Variants in DGKI observed in about 807,000 individuals in gnomAD.
The protein encoded by DGKI is diacylglycerol kinase iota, also known as DAG kinase iota.
In DGKI, 55 loss-of-function variants were observed where a neutral mutation model predicts 147.5. That is an observed-to-expected ratio of 0.37 (90% CI 0.30 to 0.47). DGKI has a LOEUF of 0.47. Ranked by LOEUF, DGKI falls within the 20% of genes least tolerant of loss-of-function variation. DGKI has a pLI of 1.00. For missense variants in DGKI, 1,007 were observed against 1,323.8 expected (o/e 0.76, Z 3.71); for synonymous variants, 469 against 477.1 (o/e 0.98, Z 0.22).
At chr7:137,766,137 G>A (rs1354278607) in intron 1 of DGKI, among the ~76,000 whole-genome samples, 3 of 152,202 alleles carry the variant, frequency 2.0e-5, no homozygotes, top group Non-Finnish European at 4.4e-5. Context: ...ACGATCCTAA[G>A]AGGAAAGGAA....
At chr7:137,480,261 T>C (rs981105723) in intron 23 of DGKI, among the ~76,000 whole-genome samples, 8 of 152,142 alleles carry the variant, frequency 5.3e-5, no homozygotes, top group African/African-American at 1.7e-4. Context: ...CCAAAGTTTC[T>C]AGCTGGTACT....
At chr7:137,841,637 A>G (rs372795825) in intron 1 of DGKI, among the ~76,000 whole-genome samples, 151 of 152,346 alleles carry the variant, frequency 9.9e-4, no homozygotes, top group African/African-American at 3.6e-3. Flanking sequence ...GTTCTTCCAG[A>G]TGCTTCTGGT....
intron 23 of DGKI, among the ~76,000 whole-genome samples, chr7:137,480,377 G>A (rs1173312865): frequency 1.3e-5 from 2 of 152,094 alleles, no homozygotes; most frequent in Admixed American, 6.6e-5. Context: ...AAATGGAGGA[G>A]GAAGAGATTT....
intron 23 of DGKI, among the ~76,000 whole-genome samples, chr7:137,476,268 C>T (rs1208300334): frequency 6.6e-6 from 1 of 152,156 alleles, no homozygotes. Context: ...AACACTAATC[C>T]GGACAAGCTG....
Position 137,457,133 on chromosome 7 carries a change from G to A in DGKI, c.2735+6356C>T, listed in dbSNP as rs559217944. ...ATTTTTCCAGCTGGAATGAGTATCC[G>A]GGGTGAGCAAGATTGAGCCCAGTCA... On this transcript the variant is annotated intron_variant, in intron 27 of 32. Coordinates refer to ENST00000614521, the MANE Select transcript of DGKI (RefSeq NM_001321708.2). Among the ~76,000 whole-genome samples, 38 of 152,242 alleles carry A rather than the reference G, an allele frequency of 2.5e-4. No individual in the cohort carries two copies. In the South Asian group the frequency reaches 7.5e-3, roughly 30 times the overall value.
chr7:137,539,568 C>T (rs1039492186), intron 20 of DGKI, among the ~76,000 whole-genome samples: 7 of 151,994 alleles, frequency 4.6e-5, no homozygotes, highest in Admixed American at 1.3e-4. Flanking sequence ...AATAGCAATG[C>T]AAAGACTTTG....
chr7:137,490,003 T>C (rs1264927859), intron 21 of DGKI, among the ~76,000 whole-genome samples: 1 of 152,168 alleles, frequency 6.6e-6, no homozygotes. Context: ...GTGTCATTCA[T>C]CTCTAATATG....
intron 27 of DGKI, among the ~76,000 whole-genome samples, chr7:137,451,502 AG>A (rs1405439537): frequency 1.3e-5 from 2 of 152,180 alleles, no homozygotes. Context: ...ATCGATTACA[AG>A]GCTTAAGGGC....
intron 6 of DGKI, among the ~76,000 whole-genome samples, chr7:137,631,539 T>A (rs1821121478): frequency 6.6e-6 from 1 of 152,058 alleles, no homozygotes; most frequent in African/African-American, 2.4e-5. Context: ...CAGGACCTAA[T>A]CACTATGTAC....
At position 137,759,011 on chromosome 7, in the gene DGKI, T is replaced by C. The variant is rs539823408; in HGVS notation, c.402-69009A>G. Among the ~76,000 whole-genome samples, 10 of 152,328 alleles carry C rather than the reference T, an allele frequency of 6.6e-5. No individual in the cohort carries two copies. The South Asian group carries it at 2.1e-3, about 32-fold the overall frequency. Reference sequence around the variant, plus strand: ...GGGATACATGCGCATGCTTGTTACATGGGTACATGGCATACTGGTGGGGAT... The same window carrying C: ...GGGATACATGCGCATGCTTGTTACACGGGTACATGGCATACTGGTGGGGAT... On this transcript the variant is annotated intron_variant, in intron 1 of 32. Transcript: ENST00000614521.
intron 18 of DGKI, among the ~76,000 whole-genome samples, chr7:137,571,898 C>T (rs1818806065): frequency 6.6e-6 from 1 of 152,066 alleles, no homozygotes; most frequent in Non-Finnish European, 1.5e-5. Context: ...AGAGGAAGGA[C>T]AAGAGAAAGA....
At position 137,521,847 on chromosome 7, in the gene DGKI, T is replaced by C. The variant is rs1816971121; in HGVS notation, c.2248+19A>G. ...AGATAGGCTGATCGCATGAAATCAA[T>C]GAGGCACTTCCAACTTACAAGCTTC... On this transcript the variant is annotated intron_variant, in intron 21 of 32. Transcript: ENST00000614521. The C allele has an allele frequency of 3.2e-6, 5 of 1,560,942 alleles. No individual in the cohort carries two copies. The African/African-American group carries it at 5.4e-5, about 17-fold the overall frequency.
At chr7:137,799,187 G>A (rs545630658) in intron 1 of DGKI, among the ~76,000 whole-genome samples, 19 of 152,240 alleles carry the variant, frequency 1.2e-4, no homozygotes, top group African/African-American at 4.1e-4. Flanking sequence ...TACAAGGAAG[G>A]AAGGCCTGAT....
intron 5 of DGKI, 102 bp downstream of exon 5, chr7:137,654,630 A>C: frequency 1.1e-6 from 1 of 880,972 alleles, no homozygotes; most frequent in Non-Finnish European, 1.8e-6. Flanking sequence ...TGCAACAGAA[A>C]GAGATAGAAT....
rs183639900 is a variant in DGKI at position 137,761,470 on chromosome 7, C to T, written c.402-71468G>A. On this transcript the variant is annotated intron_variant, in intron 1 of 32. Transcript: ENST00000614521. The stretch of plus-strand genomic sequence containing the variant: ...AATAAGACAACATTTGTAAAACAAC[C>T]ACAGCAGTGCTCACTCAAAGAAAGT... Among the ~76,000 whole-genome samples, 8 of 152,282 alleles carry T rather than the reference C, an allele frequency of 5.3e-5. No homozygotes were observed. The East Asian group carries it at 1.4e-3, about 26-fold the overall frequency.
At chr7:137,768,733 C>T (rs1173874317) in intron 1 of DGKI, among the ~76,000 whole-genome samples, 2 of 152,146 alleles carry the variant, frequency 1.3e-5, no homozygotes, top group Admixed American at 1.3e-4. Flanking sequence ...TGCCTTCCTC[C>T]TCCAGAGCCA....
chr7:137,417,724 G>A (rs544909424), intron 28 of DGKI, among the ~76,000 whole-genome samples: 2 of 152,286 alleles, frequency 1.3e-5, no homozygotes, highest in East Asian at 1.9e-4. Flanking sequence ...ATTAAGTCAC[G>A]AAGGCTCCAC....
At position 137,431,997 on chromosome 7, in the gene DGKI, C is replaced by T. The variant is rs142685941; in HGVS notation, c.2761+12080G>A. Among the ~76,000 whole-genome samples the T allele has an allele frequency of 1.8e-4, 28 of 152,250 alleles. No individual in the cohort carries two copies. The East Asian group carries it at 4.8e-3, about 26-fold the overall frequency. The stretch of plus-strand genomic sequence containing the variant: ...GGATCATGGGTGTGGATTTCCCCTG[C>T]GGTGTTCTCACGATAGTGAGTGAGT... On this transcript the variant is annotated intron_variant, in intron 28 of 32. Coordinates refer to ENST00000614521, the MANE Select transcript of DGKI (RefSeq NM_001321708.2).
chr7:137,785,852 C>T (rs1346059243), intron 1 of DGKI, among the ~76,000 whole-genome samples: 3 of 151,974 alleles, frequency 2.0e-5, no homozygotes, highest in Non-Finnish European at 4.4e-5. Flanking sequence ...ACACCACTAA[C>T]AGAATTGAAA....
Sources: allele counts gnomAD v4.1 joint callset (sites outside exome capture counted in the v4.1 genomes callset), GRCh38; gene constraint gnomAD v4.1.1; transcripts MANE v1.5; gene names NCBI Gene and HGNC (gene_info 2026-07-23, HGNC 2026-07-21).